The following NXPE2 variants were observed in gnomAD, a reference collection of about 807,000 sequenced individuals.
NXPE2 encodes the protein NXPE family member 2.
In NXPE2, 34 loss-of-function variants were observed where a neutral mutation model predicts 34.4. The observed-to-expected ratio is 0.99, with a 90% CI of 0.75 to 1.31. The LOEUF is 1.31. NXPE2 is among the 40% of genes most tolerant of loss of function. NXPE2 has a pLI of 0.00. For synonymous variants in NXPE2, 235 were observed against 231.3 expected (o/e 1.02, Z -0.15); for missense variants, 649 against 672.5 (o/e 0.97, Z 0.39).
chr11:114,620,737 C>T, the NXPE2 span, among the ~76,000 whole-genome samples: 1 of 152,006 alleles, frequency 6.6e-6, no homozygotes, highest in African/African-American at 2.4e-5. Flanking sequence ...ACCACAGTTA[C>T]CCGATGTATA....
the NXPE2 span, among the ~76,000 whole-genome samples, chr11:114,810,209 T>TA: frequency 6.7e-6 from 1 of 149,546 alleles, no homozygotes; most frequent in African/African-American, 2.5e-5. Flanking sequence ...ATTAAAGACT[T>TA]ACATGTTAGA....
chr11:114,790,717 G>C, the NXPE2 span, among the ~76,000 whole-genome samples: 5 of 152,040 alleles, frequency 3.3e-5, no homozygotes, highest in Non-Finnish European at 7.4e-5. Context: ...ACCAAGCCCA[G>C]CTTTGTGCCA....
chr11:114,651,510 T>C, the NXPE2 span, among the ~76,000 whole-genome samples: 1 of 152,198 alleles, frequency 6.6e-6, no homozygotes, highest in African/African-American at 2.4e-5. Context: ...AGAACAAACC[T>C]GCCACAGCAT....
the NXPE2 span, among the ~76,000 whole-genome samples, chr11:114,807,240 C>T: frequency 6.6e-6 from 1 of 151,802 alleles, no homozygotes; most frequent in Admixed American, 6.6e-5. Flanking sequence ...CAAAAACATG[C>T]CAAACTGTAA....
At chr11:114,518,175 C>T in the NXPE2 span, 50 of 152,352 alleles carry the variant, frequency 3.3e-4, no homozygotes, top group African/African-American at 1.2e-3. Flanking sequence ...CTGCAATTAA[C>T]ACGATTCAGG....
At chr11:114,798,802 A>G in the NXPE2 span, among the ~76,000 whole-genome samples, 1 of 152,074 alleles carries the variant, frequency 6.6e-6, no homozygotes, top group Non-Finnish European at 1.5e-5. Flanking sequence ...CTTTGTTAAC[A>G]TTTCATCTAG....
chr11:114,749,384 A>G, the NXPE2 span, among the ~76,000 whole-genome samples: 2 of 152,142 alleles, frequency 1.3e-5, no homozygotes, highest in Non-Finnish European at 2.9e-5. Context: ...GACCCATCAC[A>G]CATACCAAAA....
chr11:114,553,723 C>T, the NXPE2 span: 2 of 985,362 alleles, frequency 2.0e-6, no homozygotes, highest in South Asian at 9.4e-5. Context: ...TCTGCATATC[C>T]CAGTGTCTTT....
the NXPE2 span, among the ~76,000 whole-genome samples, chr11:114,535,199 A>G: frequency 6.6e-6 from 1 of 152,218 alleles, no homozygotes; most frequent in Non-Finnish European, 1.5e-5. Flanking sequence ...TAAGTGAAGG[A>G]GAAATACAAT....
the NXPE2 span, among the ~76,000 whole-genome samples, chr11:114,585,459 C>G: frequency 6.6e-6 from 1 of 151,682 alleles, no homozygotes; most frequent in Non-Finnish European, 1.5e-5. Context: ...AAATGGAAAC[C>G]AAAAGAGAGC....
At chr11:114,649,548 A>C in the NXPE2 span, among the ~76,000 whole-genome samples, 2 of 152,230 alleles carry the variant, frequency 1.3e-5, no homozygotes, top group African/African-American at 4.8e-5. Context: ...ATAGAGACAG[A>C]AAGCCCATCA....
At chr11:114,629,150 G>A in the NXPE2 span, among the ~76,000 whole-genome samples, 1 of 152,020 alleles carries the variant, frequency 6.6e-6, no homozygotes, top group Non-Finnish European at 1.5e-5. Flanking sequence ...GAAAAAGAGG[G>A]AACCCTCCCT....
the NXPE2 span, chr11:114,513,290 G>T: frequency 2.1e-6 from 1 of 466,664 alleles, no homozygotes; most frequent in Non-Finnish European, 4.2e-6. Context: ...GTTCATGTGG[G>T]TGAAAGGTCT....
the NXPE2 span, among the ~76,000 whole-genome samples, chr11:114,510,853 A>G: frequency 6.6e-6 from 1 of 152,206 alleles, no homozygotes; most frequent in Non-Finnish European, 1.5e-5. Flanking sequence ...TAATTTTAGT[A>G]AAACAAAAAA....
chr11:114,676,265 C>G (rs756988659), upstream of NXPE2, among the ~76,000 whole-genome samples: 10 of 151,746 alleles, frequency 6.6e-5, no homozygotes, highest in Non-Finnish European at 1.2e-4. Flanking sequence ...GAGATTACAT[C>G]AAACTTAAAA....
At chr11:114,508,370 C>A in the NXPE2 span, among the ~76,000 whole-genome samples, 1 of 152,166 alleles carries the variant, frequency 6.6e-6, no homozygotes, top group Non-Finnish European at 1.5e-5. Flanking sequence ...CATTGAGATT[C>A]TTCACAGAAC....
At chr11:114,652,876 C>T in the NXPE2 span, among the ~76,000 whole-genome samples, 3 of 152,140 alleles carry the variant, frequency 2.0e-5, no homozygotes, top group Non-Finnish European at 2.9e-5. Context: ...ACTGCAAGCC[C>T]AGTGGTGCCA....
At chr11:114,800,192 C>T in the NXPE2 span, among the ~76,000 whole-genome samples, 1 of 152,200 alleles carries the variant, frequency 6.6e-6, no homozygotes, top group Non-Finnish European at 1.5e-5. Context: ...GAACAAACAG[C>T]ATCTTTACCC....
At chr11:114,614,499 G>C in the NXPE2 span, among the ~76,000 whole-genome samples, 2 of 151,118 alleles carry the variant, frequency 1.3e-5, no homozygotes, top group Non-Finnish European at 3.0e-5. Flanking sequence ...ACAGTTACCC[G>C]GTGGATAATA....
Sources: gnomAD v4.1 joint callset for allele counts (sites outside exome capture counted in the v4.1 genomes callset) on GRCh38, gnomAD v4.1.1 for gene constraint, MANE v1.5 for transcripts, NCBI Gene and HGNC (gene_info 2026-07-23, HGNC 2026-07-21) for gene names.